The following SLC16A2 variants were observed in gnomAD, a reference collection of about 807,000 sequenced individuals.
SLC16A2 encodes the protein solute carrier family 16 member 2.
A neutral mutation model predicts 27.2 loss-of-function variants in SLC16A2; 3 were observed. The observed-to-expected ratio is 0.11, with a 90% CI of 0.05 to 0.28. The LOEUF (loss-of-function observed/expected upper bound fraction) is 0.28. Among genes scored for constraint, SLC16A2 ranks in the 10% least tolerant of loss-of-function variants. The pLI is 1.00. For synonymous variants in SLC16A2, 202 were observed against 187.8 expected (o/e 1.08, Z -0.62); for missense variants, 295 against 458.5 (o/e 0.64, Z 3.26).
intron 1 of SLC16A2, among the ~76,000 whole-genome samples, chrX:74,479,448 A>T (rs1005494191): frequency 3.6e-5 from 4 of 111,444 alleles, no homozygotes; most frequent in African/African-American, 1.3e-4. Flanking sequence ...TTTAGCTCGG[A>T]GTAGTTTGAT....
intron 5 of SLC16A2, 53 bp downstream of exon 5, chrX:74,529,494 G>A (rs1930535232): frequency 1.1e-6 from 1 of 929,044 alleles, no homozygotes. Context: ...TTTTTCCCTG[G>A]GTACTGGCAC....
chrX:74,473,453 T>C (rs1051910527), intron 1 of SLC16A2: 1 of 541,464 alleles, frequency 1.8e-6, no homozygotes. Context: ...ATGGTATTTC[T>C]GAATGACAGT....
At chrX:74,518,294 T>C (rs1159507009) in intron 1 of SLC16A2, among the ~76,000 whole-genome samples, 1 of 112,255 alleles carries the variant, frequency 8.9e-6, no homozygotes, top group Non-Finnish European at 1.9e-5. Context: ...GTATTATCAT[T>C]TTGTAAAAAC....
At chrX:74,473,368 C>T in intron 1 of SLC16A2, 1 of 542,211 alleles carries the variant, frequency 1.8e-6, no homozygotes, top group Non-Finnish European at 3.3e-6. Flanking sequence ...ACTTCCACCT[C>T]TGGCTGGATG....
intron 1 of SLC16A2, chrX:74,473,326 C>A: frequency 1.8e-6 from 1 of 548,937 alleles, no homozygotes; most frequent in Non-Finnish European, 3.3e-6. Context: ...ACGACCACCA[C>A]CTCCATGACC....
At position 74,486,555 on chromosome X, in the gene SLC16A2, T is replaced by G. The variant is rs1019132319; in HGVS notation, c.431-34435T>G. 2.7e-5 allele frequency among the ~76,000 whole-genome samples: 3 copies of G among 111,687 alleles called. No individual in the cohort carries two copies. The East Asian group carries it at 8.4e-4, about 31-fold the overall frequency. On this transcript the variant is annotated intron_variant, in intron 1 of 5. Transcript: ENST00000587091. ...AGATACCATCTCACACCAGTTAGAATGGCGATCATTAAAATGTCAGGAAAC... is the reference window on the plus strand; with the variant it reads ...AGATACCATCTCACACCAGTTAGAAGGGCGATCATTAAAATGTCAGGAAAC...
intron 1 of SLC16A2, among the ~76,000 whole-genome samples, chrX:74,506,207 C>T (rs745605146): frequency 5.4e-5 from 6 of 111,779 alleles, no homozygotes; most frequent in Non-Finnish European, 1.1e-4. Context: ...CTCCAACCCA[C>T]CATTTAAAGG....
At position 74,478,579 on chromosome X, in the gene SLC16A2, G is replaced by A. The variant is rs1435186081; in HGVS notation, c.431-42411G>A. ...GTTGATGCAGTTTCTTCCTAGCCTC[G>A]ATGGTCTTTACAATTTGGCATGTTT... On this transcript the variant is annotated intron_variant, in intron 1 of 5. Transcript: ENST00000587091. 5.4e-5 allele frequency among the ~76,000 whole-genome samples: 6 copies of A among 111,608 alleles called. No homozygotes were observed. In the South Asian group the frequency reaches 1.1e-3, roughly 21 times the overall value.
intron 1 of SLC16A2, among the ~76,000 whole-genome samples, chrX:74,509,010 T>C (rs901400593): frequency 1.8e-5 from 2 of 111,701 alleles, no homozygotes; most frequent in Non-Finnish European, 3.8e-5. Context: ...TTGCCCAGGC[T>C]GGAGTGCAGT....
chrX:74,527,250 AATAAT>A (rs1930498910), intron 4 of SLC16A2, among the ~76,000 whole-genome samples: 1 of 112,370 alleles, frequency 8.9e-6, no homozygotes, highest in African/African-American at 3.2e-5. Flanking sequence ...TTTTACTTAG[AATAAT>A]ATAAAATAAT....
chrX:74,514,342 A>G (rs1421639408), intron 1 of SLC16A2, among the ~76,000 whole-genome samples: 1 of 110,744 alleles, frequency 9.0e-6, no homozygotes, highest in African/African-American at 3.3e-5. Flanking sequence ...GCTTTAAACA[A>G]TAATCCCTCT....
intron 1 of SLC16A2, among the ~76,000 whole-genome samples, chrX:74,426,931 C>T (rs1404319688): frequency 1.8e-5 from 2 of 111,512 alleles, no homozygotes; most frequent in Non-Finnish European, 3.8e-5. Flanking sequence ...TTAAAAATTA[C>T]CCAATCCTTT....
At chrX:74,422,299 C>G (rs1040115664) in intron 1 of SLC16A2, among the ~76,000 whole-genome samples, 2 of 112,151 alleles carry the variant, frequency 1.8e-5, no homozygotes, top group African/African-American at 6.5e-5. Context: ...CCCGGGGGTA[C>G]GAACTGGGAC....
intron 1 of SLC16A2, among the ~76,000 whole-genome samples, chrX:74,443,029 C>G (rs1428073137): frequency 8.9e-6 from 1 of 111,896 alleles, no homozygotes; most frequent in Non-Finnish European, 1.9e-5. Flanking sequence ...AGTGAGAATT[C>G]AGTCTTAACT....
At chrX:74,464,193 T>A (rs1929208553) in intron 1 of SLC16A2, among the ~76,000 whole-genome samples, 1 of 112,102 alleles carries the variant, frequency 8.9e-6, no homozygotes, top group African/African-American at 3.2e-5. Flanking sequence ...TGATGGGCAG[T>A]TGGGTTGTTT....
intron 1 of SLC16A2, among the ~76,000 whole-genome samples, chrX:74,446,151 A>G (rs1569286011): frequency 9.1e-6 from 1 of 110,449 alleles, no homozygotes; most frequent in Non-Finnish European, 1.9e-5. Flanking sequence ...CCTGGGACCA[A>G]TCAGATTTCT....
chrX:74,472,929 C>G, intron 1 of SLC16A2: 1 of 388,653 alleles, frequency 2.6e-6, no homozygotes, highest in Non-Finnish European at 4.7e-6. Context: ...CACCACTGTG[C>G]TTTGCTAAAT....
intron 1 of SLC16A2, among the ~76,000 whole-genome samples, chrX:74,520,060 C>G (rs1930382650): frequency 8.9e-6 from 1 of 111,957 alleles, no homozygotes; most frequent in East Asian, 2.8e-4. Context: ...TTGACTAGCC[C>G]CAGACTGAGC....
Position 74,435,535 on chromosome X carries a change from A to G in SLC16A2, c.430+13468A>G, listed in dbSNP as rs5937818. ...TGCATATATATATATGCATATATAT[A>G]TGTATATATATATATATATTTTTTT... On this transcript the variant is annotated intron_variant, in intron 1 of 5. Transcript: ENST00000587091. 4.0e-3 allele frequency among the ~76,000 whole-genome samples: 37 copies of G among 9,313 alleles called. 1 individual carries two copies. Among genetic ancestry groups the G allele is most frequent in the Admixed American group, 7.4e-3 (4 of 537 alleles). 8.1% of individuals were successfully genotyped at this position (9,313 alleles called of 115,157 possible).
Sources: gnomAD v4.1 joint callset for allele counts (sites outside exome capture counted in the v4.1 genomes callset) on GRCh38, gnomAD v4.1.1 for gene constraint, MANE v1.5 for transcripts, NCBI Gene and HGNC (gene_info 2026-07-23, HGNC 2026-07-21) for gene names.